The following DLGAP4 variants were observed in gnomAD, a reference collection of about 807,000 sequenced individuals.
DLGAP4 encodes DLG associated protein 4.
In DLGAP4, 18 loss-of-function variants were observed where a neutral mutation model predicts 86.9. That is an observed-to-expected ratio of 0.21 (90% CI 0.14 to 0.31). The LOEUF (loss-of-function observed/expected upper bound fraction) is 0.31. Among genes scored for constraint, DLGAP4 ranks in the 10% least tolerant of loss-of-function variants. The pLI, the probability that DLGAP4 is intolerant of heterozygous loss-of-function variation, is 1.00. For synonymous variants in DLGAP4, 548 were observed against 574.3 expected (o/e 0.95, Z 0.65); for missense variants, 1,085 against 1,362.6 (o/e 0.80, Z 3.21).
At chr20:36,504,369 A>C (rs1483786441) in intron 10 of DLGAP4, among the ~76,000 whole-genome samples, 1 of 140,668 alleles carries the variant, frequency 7.1e-6, no homozygotes, top group African/African-American at 3.3e-5. Context: ...TTTATGGCTG[A>C]CTAGTATTCC....
chr20:36,347,276 AG>A (rs1433561039), intron 1 of DLGAP4, among the ~76,000 whole-genome samples: 1 of 152,168 alleles, frequency 6.6e-6, no homozygotes, highest in Non-Finnish European at 1.5e-5. Context: ...GACTAGAGTC[AG>A]GTAATAGGAT....
intron 7 of DLGAP4, among the ~76,000 whole-genome samples, chr20:36,449,754 A>G (rs1600545947): frequency 6.6e-6 from 1 of 152,268 alleles, no homozygotes; most frequent in Admixed American, 6.5e-5. Flanking sequence ...TCATGAATGG[A>G]CTAAAGATAG....
intron 1 of DLGAP4, among the ~76,000 whole-genome samples, chr20:36,313,644 G>A (rs1422755876): frequency 6.6e-6 from 1 of 152,120 alleles, no homozygotes; most frequent in Non-Finnish European, 1.5e-5. Context: ...CTGGGTTGGA[G>A]ATAGAGTCAG....
chr20:36,494,806 C>T (rs1352600733), intron 7 of DLGAP4, among the ~76,000 whole-genome samples: 1 of 152,084 alleles, frequency 6.6e-6, no homozygotes, highest in Non-Finnish European at 1.5e-5. Flanking sequence ...CTAATCTGTT[C>T]TCTAGGTCAT....
At chr20:36,509,872 T>C (rs76503281) in intron 10 of DLGAP4, among the ~76,000 whole-genome samples, 1 of 152,176 alleles carries the variant, frequency 6.6e-6, no homozygotes, top group African/African-American at 2.4e-5. Flanking sequence ...TTTTTTTTTT[T>C]TGAGACAGAG....
intron 3 of DLGAP4, among the ~76,000 whole-genome samples, chr20:36,433,551 CAG>C (rs1419537836): frequency 6.6e-6 from 1 of 152,154 alleles, no homozygotes; most frequent in Non-Finnish European, 1.5e-5. Context: ...AAGCAGATTT[CAG>C]GTGGAAGGAG....
chr20:36,388,218 C>T (rs1316116409), intron 2 of DLGAP4, among the ~76,000 whole-genome samples: 2 of 152,198 alleles, frequency 1.3e-5, no homozygotes, highest in South Asian at 2.1e-4. Context: ...TTTGTATGTT[C>T]TCTTCGCACT....
At chr20:36,491,442 G>T (rs2035658606) in intron 7 of DLGAP4, among the ~76,000 whole-genome samples, 1 of 152,224 alleles carries the variant, frequency 6.6e-6, no homozygotes. Flanking sequence ...GCTGAGAGGG[G>T]GTCAGGAGAA....
intron 8 of DLGAP4, chr20:36,499,353 C>T: frequency 1.2e-6 from 2 of 1,601,918 alleles, no homozygotes. Context: ...CACCCCATCC[C>T]ACCTCCCGCC....
rs941406669 is a variant in DLGAP4 at position 36,313,862 on chromosome 20, C to T, written c.-304+7350C>T. ...AGGCCAGCTGGGCAACTGTGCACCTCCCTGTGCCCTCTCTGGGTCTCAGTT... is the reference window on the plus strand; with the variant it reads ...AGGCCAGCTGGGCAACTGTGCACCTTCCTGTGCCCTCTCTGGGTCTCAGTT... On this transcript the variant is annotated intron_variant, in intron 1 of 12. Coordinates refer to ENST00000339266, the MANE Select transcript of DLGAP4 (RefSeq NM_001365621.2). 4.5e-3 allele frequency among the ~76,000 whole-genome samples: 689 copies of T among 152,288 alleles called. 6 individuals carry two copies. The highest frequency in any genetic ancestry group is 0.016 in the African/African-American group (646 of 41,554).
In DLGAP4 at chr20:36,318,500, G is replaced by A. The variant is rs2065133446; in HGVS notation, c.-304+11988G>A. On this transcript the variant is annotated intron_variant, in intron 1 of 12. Coordinates refer to ENST00000339266, the MANE Select transcript of DLGAP4 (RefSeq NM_001365621.2). ...TGTTCCTCCCCACTCAGCCTCCCGAGTAGCTGGGACTACAGGGGTGCACCA... is the reference window on the plus strand; with the variant it reads ...TGTTCCTCCCCACTCAGCCTCCCGAATAGCTGGGACTACAGGGGTGCACCA... 2.0e-5 allele frequency among the ~76,000 whole-genome samples: 3 copies of A among 152,180 alleles called. No homozygotes were observed. In the South Asian group the frequency reaches 6.2e-4, roughly 31 times the overall value.
chr20:36,418,655 C>T (rs2032734354), intron 2 of DLGAP4, among the ~76,000 whole-genome samples: 1 of 152,144 alleles, frequency 6.6e-6, no homozygotes, highest in African/African-American at 2.4e-5. Flanking sequence ...CGAGCCCCCA[C>T]CCCCTGAGGA....
At chr20:36,462,062 T>G in intron 7 of DLGAP4, 1 of 989,506 alleles carries the variant, frequency 1.0e-6, no homozygotes, top group Non-Finnish European at 1.2e-6. Context: ...TTCTTGCACA[T>G]CCTTTGGGGG....
At chr20:36,390,737 G>A (rs112462199) in intron 2 of DLGAP4, among the ~76,000 whole-genome samples, 1 of 152,236 alleles carries the variant, frequency 6.6e-6, no homozygotes, top group African/African-American at 2.4e-5. Context: ...CTACCCACTT[G>A]AGGAATCCTG....
In DLGAP4 at chr20:36,306,995, C is replaced by T. The variant is rs2065009042; in HGVS notation, c.-304+483C>T. On this transcript the variant is annotated intron_variant, in intron 1 of 12. Coordinates refer to ENST00000339266, the MANE Select transcript of DLGAP4 (RefSeq NM_001365621.2). This position sits in a 1 kb window ranked among gnomAD's most constrained non-coding sequence, Gnocchi z 4.9. ...GAGAGCAGGGCTATGCCGGCCCGGG[C>T]ATTCCTCCATTCAACCCAGCTGCCT... Among the ~76,000 whole-genome samples the T allele has an allele frequency of 6.6e-6, 1 of 152,164 alleles. No homozygotes were observed. Among genetic ancestry groups the T allele is most frequent in the South Asian group, 2.1e-4 (1 of 4,826 alleles).
At chr20:36,385,790 G>A (rs2031574549) in intron 2 of DLGAP4, among the ~76,000 whole-genome samples, 1 of 152,202 alleles carries the variant, frequency 6.6e-6, no homozygotes, top group Admixed American at 6.5e-5. Context: ...TTGAGGCTCT[G>A]GACATGATTA....
At chr20:36,375,312 G>A (rs1363430488) in intron 2 of DLGAP4, among the ~76,000 whole-genome samples, 1 of 152,180 alleles carries the variant, frequency 6.6e-6, no homozygotes, top group African/African-American at 2.4e-5. Flanking sequence ...ATCCTCAAAT[G>A]TTTTGTGACT....
At chr20:36,400,771 G>A (rs2032134682) in intron 2 of DLGAP4, among the ~76,000 whole-genome samples, 1 of 151,868 alleles carries the variant, frequency 6.6e-6, no homozygotes, top group Non-Finnish European at 1.5e-5. Context: ...GGGAATCTGG[G>A]GGCAGAAGAC....
At chr20:36,330,921 G>A (rs73103438) in intron 1 of DLGAP4, among the ~76,000 whole-genome samples, 4,202 of 152,262 alleles carry the variant, frequency 0.028, 80 homozygotes, top group Non-Finnish European at 0.045. Context: ...CTTGTGGACC[G>A]TAAATGTTAG....
Sources: gnomAD v4.1 joint callset for allele counts (sites outside exome capture counted in the v4.1 genomes callset) on GRCh38, gnomAD v4.1.1 for gene constraint, Gnocchi (gnomAD v3.1) non-coding constraint, MANE v1.5 for transcripts, NCBI Gene and HGNC (gene_info 2026-07-23, HGNC 2026-07-21) for gene names.